The following ANKRD45 variants were observed in gnomAD, a reference collection of about 807,000 sequenced individuals.
The protein encoded by ANKRD45 is ankyrin repeat domain-containing protein 45.
ANKRD45 carries 21 observed loss-of-function variants against 28.1 expected under a neutral mutation model. The observed-to-expected ratio is 0.75, with a 90% CI of 0.53 to 1.08. ANKRD45 has a LOEUF of 1.08. Ranked by LOEUF, ANKRD45 falls within the 50% of genes least tolerant of loss-of-function variation. ANKRD45 has a pLI of 0.00. For synonymous variants in ANKRD45, 86 were observed against 103.9 expected (o/e 0.83, Z 1.05); for missense variants, 261 against 308.7 (o/e 0.85, Z 1.16).
At chr1:173,680,500 G>A in the ANKRD45 span, among the ~76,000 whole-genome samples, 1 of 152,032 alleles carries the variant, frequency 6.6e-6, no homozygotes, top group East Asian at 1.9e-4. Flanking sequence ...GAGAACACAT[G>A]GACACAGAGA....
At chr1:173,679,079 C>T in the ANKRD45 span, among the ~76,000 whole-genome samples, 1 of 152,200 alleles carries the variant, frequency 6.6e-6, no homozygotes, top group African/African-American at 2.4e-5. Flanking sequence ...ATTCCATGCT[C>T]ATAGATAGAA....
In ANKRD45 at chr1:173,609,113, T is replaced by TA. The variant is rs764158148; in HGVS notation, c.*1031dup. On this transcript the variant is annotated 3_prime_UTR_variant, in exon 6 of 6. Transcript: ENST00000333279. ...AAGTTATTGCAGTGTTCTTTTGCTT[T>TA]AAAAAATTGAAACTGAATTGCTCAT... Among the ~76,000 whole-genome samples the TA allele has an allele frequency of 1.2e-4, 19 of 152,098 alleles. No individual in the cohort carries two copies. The highest frequency in any genetic ancestry group is 2.4e-4 in the Non-Finnish European group (16 of 68,012).
At chr1:173,635,575 C>T (rs755080870) in intron 3 of ANKRD45, 23 of 1,534,818 alleles carry the variant, frequency 1.5e-5, no homozygotes, top group Admixed American at 5.9e-5. Flanking sequence ...TCTGCTTCTT[C>T]GGGGAGAGTT....
At chr1:173,669,875 G>C (rs1229696124), upstream of ANKRD45, 1 of 169,528 alleles carries the variant, frequency 5.9e-6, no homozygotes, top group Non-Finnish European at 1.5e-5. Flanking sequence ...GCGAGGCAGC[G>C]CCTCCTCCTG....
intron 5 of ANKRD45, among the ~76,000 whole-genome samples, chr1:173,623,249 G>T (rs1029490832): frequency 1.3e-5 from 2 of 151,492 alleles, no homozygotes; most frequent in African/African-American, 2.4e-5. Flanking sequence ...GGAGGTGGGG[G>T]TTACAGTGGA....
chr1:173,652,927 G>A (rs866141555), intron 2 of ANKRD45, among the ~76,000 whole-genome samples: 5 of 152,248 alleles, frequency 3.3e-5, no homozygotes, highest in Middle Eastern at 3.4e-3. Context: ...GTATTTCTGT[G>A]GGATCGGTGG....
At chr1:173,673,167 G>A (rs890963205), upstream of ANKRD45, among the ~76,000 whole-genome samples, 1 of 149,568 alleles carries the variant, frequency 6.7e-6, no homozygotes, top group Non-Finnish European at 1.5e-5. Context: ...CTGGAGTGCA[G>A]TGGTGTCATC....
At chr1:173,686,016 A>G in the ANKRD45 span, among the ~76,000 whole-genome samples, 4 of 152,318 alleles carry the variant, frequency 2.6e-5, 1 homozygote, top group African/African-American at 9.6e-5. Flanking sequence ...TGGACCAACT[A>G]CAGCATAAAA....
At chr1:173,700,455 G>A in the ANKRD45 span, among the ~76,000 whole-genome samples, 2 of 152,028 alleles carry the variant, frequency 1.3e-5, no homozygotes, top group Admixed American at 6.6e-5. Flanking sequence ...AACAGCATGG[G>A]ACTGGTACCA....
rs141170440 is a variant in ANKRD45 at position 173,633,381 on chromosome 1, G to A, written c.497-6222C>T. On this transcript the variant is annotated intron_variant, in intron 3 of 5. Coordinates refer to ENST00000333279, the MANE Select transcript of ANKRD45 (RefSeq NM_198493.3). ...AATGGAAAGACATTCCATGTTCATA[G>A]ATTGGAAGAATCAATATTGTTAAAA... 4.8e-3 allele frequency among the ~76,000 whole-genome samples: 731 copies of A among 152,122 alleles called. 5 individuals carry two copies. The highest frequency in any genetic ancestry group is 0.017 in the African/African-American group (696 of 41,532).
upstream of ANKRD45, among the ~76,000 whole-genome samples, chr1:173,674,568 A>G (rs915223271): frequency 1.1e-4 from 17 of 152,154 alleles, no homozygotes; most frequent in Non-Finnish European, 2.4e-4. Flanking sequence ...TGAGACATTA[A>G]TCAGCATATG....
chr1:173,714,075 C>T, the ANKRD45 span, among the ~76,000 whole-genome samples: 1 of 152,150 alleles, frequency 6.6e-6, no homozygotes. Flanking sequence ...CAACTGGACA[C>T]ACCTGTGTAG....
intron 2 of ANKRD45, among the ~76,000 whole-genome samples, chr1:173,654,742 T>G (rs1381150625): frequency 6.6e-6 from 1 of 152,214 alleles, no homozygotes; most frequent in African/African-American, 2.4e-5. Context: ...ACCAATCAAA[T>G]GTAGATTTGG....
intron 2 of ANKRD45, among the ~76,000 whole-genome samples, chr1:173,649,383 A>G (rs780746224): frequency 6.6e-6 from 1 of 152,132 alleles, no homozygotes; most frequent in Non-Finnish European, 1.5e-5. Context: ...ATCCTGTCAA[A>G]TATTTAAATT....
At chr1:173,646,518 G>T (rs1454533779) in intron 3 of ANKRD45, among the ~76,000 whole-genome samples, 1 of 152,078 alleles carries the variant, frequency 6.6e-6, no homozygotes, top group Non-Finnish European at 1.5e-5. Flanking sequence ...GACCCACTTT[G>T]CCTGAGTCTC....
chr1:173,655,011 A>G (rs1353844151), intron 2 of ANKRD45, among the ~76,000 whole-genome samples: 2 of 152,120 alleles, frequency 1.3e-5, no homozygotes, highest in Non-Finnish European at 2.9e-5. Context: ...TCTTCTTTCA[A>G]GGTTTTTAGC....
At chr1:173,683,368 T>C in the ANKRD45 span, among the ~76,000 whole-genome samples, 1 of 152,070 alleles carries the variant, frequency 6.6e-6, no homozygotes, top group African/African-American at 2.4e-5. Flanking sequence ...GAGTTACCTA[T>C]CTCCATCATC....
intron 5 of ANKRD45, among the ~76,000 whole-genome samples, chr1:173,620,334 A>G (rs1484573212): frequency 6.6e-6 from 1 of 152,242 alleles, no homozygotes; most frequent in Admixed American, 6.5e-5. Flanking sequence ...AAATTGAACA[A>G]CCTGCTCCTG....
intron 2 of ANKRD45, among the ~76,000 whole-genome samples, chr1:173,656,621 A>C (rs748251837): frequency 3.2e-4 from 49 of 152,282 alleles, no homozygotes; most frequent in Middle Eastern, 3.4e-3. Flanking sequence ...GACGTCAACC[A>C]ATTCACAGAA....
Sources: allele counts gnomAD v4.1 joint callset (sites outside exome capture counted in the v4.1 genomes callset), GRCh38; gene constraint gnomAD v4.1.1; transcripts MANE v1.5; gene names NCBI Gene and HGNC (gene_info 2026-07-23, HGNC 2026-07-21).